Variants in ROCK2 observed in about 807,000 individuals in gnomAD.
ROCK2 encodes Rho associated coiled-coil containing protein kinase 2.
Under a neutral mutation model 195.1 loss-of-function variants are expected in ROCK2, and 61 were observed. The observed-to-expected ratio is 0.31, with a 90% CI of 0.25 to 0.39. ROCK2 has a LOEUF of 0.39. ROCK2 is among the 10% of genes least tolerant of loss of function. The pLI is 1.00. For synonymous variants in ROCK2, 504 were observed against 545.5 expected (o/e 0.92, Z 1.06); for missense variants, 1,109 against 1,637.4 (o/e 0.68, Z 5.57).
intron 1 of ROCK2, among the ~76,000 whole-genome samples, chr2:11,329,502 T>C (rs940662991): frequency 3.9e-5 from 6 of 151,978 alleles, no homozygotes; most frequent in Admixed American, 6.6e-5. Flanking sequence ...TAAAAATTTA[T>C]TCACTGTTAT....
chr2:11,201,554 A>C lies in ROCK2; in HGVS notation c.2620-141T>G. On this transcript the variant is annotated intron_variant, in intron 21 of 32. Coordinates refer to ENST00000315872, the MANE Select transcript of ROCK2 (RefSeq NM_004850.5). The surrounding 1 kb of genome is among the most constrained non-coding windows in gnomAD (Gnocchi z 4.6). ...AGTCCCCGAGCAAATGAATAGTTTA[A>C]TGAACTTTCCTATTTCTAGTCATCA... is the stretch of plus-strand genomic sequence containing the variant. 1 of 603,544 alleles carries C rather than the reference A, an allele frequency of 1.7e-6. No individual in the cohort carries two copies. Among genetic ancestry groups the C allele is most frequent in the Non-Finnish European group, 2.9e-6 (1 of 341,248 alleles). 37.4% of individuals were successfully genotyped at this position (603,544 alleles called of 1,614,324 possible).
intron 1 of ROCK2, among the ~76,000 whole-genome samples, chr2:11,292,425 C>T (rs1412122776): frequency 1.3e-5 from 2 of 152,036 alleles, no homozygotes; most frequent in East Asian, 3.9e-4. Context: ...GAAACTGAAG[C>T]TTAAAGGTTA....
At position 11,201,487 on chromosome 2, in the gene ROCK2, CA is replaced by C; in HGVS notation, c.2620-75del. On this transcript the variant is annotated intron_variant, in intron 21 of 32. Coordinates refer to ENST00000315872, the MANE Select transcript of ROCK2 (RefSeq NM_004850.5). The surrounding 1 kb of genome is among the most constrained non-coding windows in gnomAD (Gnocchi z 4.6). ...CTTCTACATTCAAAAGCTATTCAGACAAAAAGGAGAATGAACACATACAAAT... is the reference window on the plus strand; with the variant it reads ...CTTCTACATTCAAAAGCTATTCAGACAAAAGGAGAATGAACACATACAAAT... 1 of 831,412 alleles carries C rather than the reference CA, an allele frequency of 1.2e-6. No individual in the cohort carries two copies. The highest frequency in any genetic ancestry group is 2.0e-6 in the Non-Finnish European group (1 of 500,284). The allele number at this position is 831,412 out of a possible 1,614,324, so 51.5% of individuals were successfully genotyped here. A position where few individuals can be genotyped will look rare whatever the true frequency, so the allele number is the denominator to read the frequency against.
intron 32 of ROCK2, among the ~76,000 whole-genome samples, chr2:11,185,705 G>A (rs1269126820): frequency 6.6e-6 from 1 of 151,886 alleles, no homozygotes; most frequent in Non-Finnish European, 1.5e-5. Context: ...CTCCAGCCTG[G>A]GGAACAAGAG....
rs1439669550 is a variant in ROCK2, at chr2:11,215,660, A to G, written c.1462-15T>C. The G allele has an allele frequency of 1.3e-6, 2 of 1,575,228 alleles. No homozygotes were observed. The highest frequency in any genetic ancestry group is 1.7e-6 in the Non-Finnish European group (2 of 1,163,954). ...CGTAAGGTAATCTGAAATAATGCTT[A>G]AAGTTATTATCAAAAAAGTATGTAT... On this transcript the variant is annotated splice_polypyrimidine_tract_variant and intron_variant, in intron 13 of 32. Coordinates refer to ENST00000315872, the MANE Select transcript of ROCK2 (RefSeq NM_004850.5).
At chr2:11,212,869 A>G (rs1405103094) in intron 17 of ROCK2, among the ~76,000 whole-genome samples, 3 of 152,094 alleles carry the variant, frequency 2.0e-5, no homozygotes, top group Admixed American at 6.6e-5. Context: ...AACTTCTACT[A>G]CTATAGCCTA....
intron 1 of ROCK2, among the ~76,000 whole-genome samples, chr2:11,323,864 T>C (rs145319824): frequency 2.0e-5 from 3 of 152,272 alleles, no homozygotes; most frequent in Non-Finnish European, 2.9e-5. Flanking sequence ...CCAAAGTCTA[T>C]AGTTACCGTC....
At chr2:11,218,581 T>A (rs1664512288) in intron 10 of ROCK2, 115 bp from the exon 11 acceptor site, 2 of 693,450 alleles carry the variant, frequency 2.9e-6, no homozygotes, top group South Asian at 2.4e-5. Flanking sequence ...TTAGCTTTCA[T>A]AAGTTTGAAG....
chr2:11,305,171 T>C (rs1667817005), intron 1 of ROCK2, among the ~76,000 whole-genome samples: 1 of 151,620 alleles, frequency 6.6e-6, no homozygotes, highest in Non-Finnish European at 1.5e-5. Context: ...AGGTCAGGAG[T>C]TCGAGACCAG....
intron 13 of ROCK2, 146 bp downstream of exon 13, chr2:11,216,012 T>C (rs780059242): frequency 9.3e-5 from 61 of 653,566 alleles, no homozygotes; most frequent in Non-Finnish European, 1.5e-4. Context: ...TAACATGATT[T>C]CCCTATAATT....
chr2:11,273,896 T>A (rs1666736251), intron 3 of ROCK2, among the ~76,000 whole-genome samples: 1 of 146,200 alleles, frequency 6.8e-6, no homozygotes, highest in African/African-American at 2.5e-5. Flanking sequence ...GCCACTGCAC[T>A]CTAACCTGGG....
In ROCK2 at chr2:11,211,374, AC is replaced by A. The variant is rs1302658717; in HGVS notation, c.2203+306del. Among the ~76,000 whole-genome samples, 4 of 152,210 alleles carry A rather than the reference AC, an allele frequency of 2.6e-5. No individual in the cohort carries two copies. The East Asian group carries it at 7.7e-4, about 29-fold the overall frequency. ...TCAGATATTCCTTCTTACTACTGAT[AC>A]ACGTATACCGAGTGGTACAGATATT... On this transcript the variant is annotated intron_variant, in intron 18 of 32. Transcript: ENST00000315872.
Position 11,222,184 on chromosome 2 carries a change from G to T in ROCK2, c.1008-10C>A. The T allele has an allele frequency of 6.7e-7, 1 of 1,482,316 alleles. No homozygotes were observed. The highest frequency in any genetic ancestry group is 9.4e-7 in the Non-Finnish European group (1 of 1,067,748). The allele number at this position is 1,482,316 out of a possible 1,614,324, so 91.8% of individuals were successfully genotyped here. A position where few individuals can be genotyped will look rare whatever the true frequency, so the allele number is the denominator to read the frequency against. On this transcript the variant is annotated splice_polypyrimidine_tract_variant and intron_variant, in intron 7 of 32. Transcript: ENST00000315872. ...CCCAAGTCGTACCTCCCTAAACAAT[G>T]CAGTTAAAGATTGTATTATTTAAAA...
chr2:11,235,768 G>A lies in ROCK2; in HGVS notation c.657C>T (p.Asn219=), dbSNP rs933719908. Residue 219 remains asparagine, a synonymous_variant, in exon 5 of 33, where the codon AAC becomes AAT. Coordinates refer to ENST00000315872, the MANE Select transcript of ROCK2 (RefSeq NM_004850.5). The surrounding 1 kb of genome is among the most constrained non-coding windows in gnomAD (Gnocchi z 4.2). ...GATGTCCATGTTTATCCAAGAGCAT[G>A]TTGTCAGGCTTCACATCTCTGTGTA... ...GLIHRDVKPD[N]MLLDKHGHLK... 1 of 1,613,888 alleles carries A rather than the reference G, an allele frequency of 6.2e-7. No homozygotes were observed. The highest frequency in any genetic ancestry group is 8.5e-7 in the Non-Finnish European group (1 of 1,179,876).
intron 3 of ROCK2, among the ~76,000 whole-genome samples, chr2:11,268,682 C>G (rs1485158885): frequency 6.6e-6 from 1 of 152,152 alleles, no homozygotes; most frequent in East Asian, 1.9e-4. Flanking sequence ...TTGTATGTGA[C>G]AAATCACTTC....
intron 1 of ROCK2, among the ~76,000 whole-genome samples, chr2:11,323,803 G>C (rs967983575): frequency 6.6e-6 from 1 of 151,990 alleles, no homozygotes; most frequent in African/African-American, 2.4e-5. Context: ...TCACCAGAAT[G>C]ATACGTTTGT....
chr2:11,237,863 A>T (rs532777564), intron 4 of ROCK2, among the ~76,000 whole-genome samples: 1 of 152,216 alleles, frequency 6.6e-6, no homozygotes, highest in Non-Finnish European at 1.5e-5. Flanking sequence ...AGATCACCTG[A>T]GGTCAGGAGT....
intron 5 of ROCK2, among the ~76,000 whole-genome samples, chr2:11,232,395 C>T (rs929038892): frequency 2.6e-5 from 4 of 152,182 alleles, no homozygotes; most frequent in African/African-American, 9.7e-5. Context: ...TCCCAAAGTG[C>T]TGGGATTACA....
intron 3 of ROCK2, among the ~76,000 whole-genome samples, chr2:11,283,243 G>A (rs1278343593): frequency 1.4e-5 from 2 of 141,106 alleles, no homozygotes; most frequent in Non-Finnish European, 3.0e-5. Flanking sequence ...ACTCCAGCCT[G>A]GCGACAGAGA....
Sources: gnomAD v4.1 joint callset for allele counts (sites outside exome capture counted in the v4.1 genomes callset) on GRCh38, gnomAD v4.1.1 for gene constraint, Gnocchi (gnomAD v3.1) non-coding constraint, MANE v1.5 for transcripts, NCBI Gene and HGNC (gene_info 2026-07-23, HGNC 2026-07-21) for gene names.